The following SLC39A4 variants were observed in gnomAD, a reference collection of about 807,000 sequenced individuals.
The protein encoded by SLC39A4 is zinc transporter ZIP4.
SLC39A4 carries 49 observed loss-of-function variants against 56.6 expected under a neutral mutation model. That is an observed-to-expected ratio of 0.87 (90% CI 0.69 to 1.10). The LOEUF (loss-of-function observed/expected upper bound fraction) is 1.10, where lower values mean the gene tolerates loss of function less well. Among genes scored for constraint, SLC39A4 ranks in the 50% least tolerant of loss-of-function variants. The pLI is 0.00. For missense variants in SLC39A4, 993 were observed against 864.2 expected, an observed-to-expected ratio of 1.15 and a Z score of -1.87; for synonymous variants, 540 against 420.4, an observed-to-expected ratio of 1.28 and a Z score of -3.48.
intron 6 of SLC39A4, 28 bp downstream of exon 6, chr8:144,414,234 C>T (rs375954319): frequency 4.4e-6 from 7 of 1,602,622 alleles, no homozygotes; most frequent in African/African-American, 2.7e-5. Context: ...GAACGGAGGG[C>T]CAGGGTCGCG....
At position 144,412,949 on chromosome 8, in the gene SLC39A4, G is replaced by A. The variant is rs1554872098; in HGVS notation, c.1628-3C>T. 1.3e-6 allele frequency: 2 copies of A among 1,593,800 alleles called. No homozygotes were observed. Among genetic ancestry groups the A allele is most frequent in the East Asian group, 2.3e-5 (1 of 44,324 alleles). On this transcript the variant is annotated splice_polypyrimidine_tract_variant and splice_region_variant and intron_variant, in intron 10 of 11. Coordinates refer to ENST00000301305, the MANE Select transcript of SLC39A4 (RefSeq NM_130849.4). ...GTGCAGCAAGGCGGCGAAGTCCCCT[G>A]CGGGCGAGTCCACATTAACAGCTCC...
chr8:144,415,509 C>T (rs1822139958), intron 2 of SLC39A4, 90 bp from the exon 3 acceptor site: 1 of 1,410,352 alleles, frequency 7.1e-7, no homozygotes, highest in African/African-American at 1.4e-5. Context: ...ACCCCAACTA[C>T]AGGATCTGCC....
intron 10 of SLC39A4, 142 bp downstream of exon 10, chr8:144,413,095 C>G: frequency 6.8e-7 from 1 of 1,468,548 alleles, no homozygotes; most frequent in South Asian, 1.2e-5. Flanking sequence ...ACCTTCCAGG[C>G]CCCGCCCCAC....
intron 11 of SLC39A4, 34 bp downstream of exon 11, chr8:144,412,725 G>A: frequency 6.2e-7 from 1 of 1,613,330 alleles, no homozygotes; most frequent in African/African-American, 1.3e-5. Flanking sequence ...CTCAGCTCCC[G>A]GCCCAGAGCA....
Position 144,413,368 on chromosome 8 carries a change from A to G in SLC39A4, c.1496T>C (p.Met499Thr). Residue 499 changes from methionine (M) to threonine (T), a missense_variant, in exon 10 of 12, where the codon ATG becomes ACG. Physicochemically the swap from Met to Thr is moderately conservative, Grantham distance 81. Coordinates refer to ENST00000301305, the MANE Select transcript of SLC39A4 (RefSeq NM_130849.4). The stretch of plus-strand genomic sequence containing the variant: ...GTGCACGGCGTCGCCCAGAGTGATC[A>G]TATAGGGCAGTAGCCTCAACTCTGC... ...LSPELRLLPY[M>T]ITLGDAVHNF... 6.2e-7 allele frequency: 1 copy of G among 1,608,826 alleles called. No individual in the cohort carries two copies.
rs1586652304 is a variant in SLC39A4 at position 144,414,594 on chromosome 8, C to G, written c.976+131G>C. ...CCCACTCTCCTGGCGACGCCACCTT[C>G]CCCTGTGTCTGTTGTTTCTACTTCC... On this transcript the variant is annotated intron_variant, in intron 5 of 11. Coordinates refer to ENST00000301305, the MANE Select transcript of SLC39A4 (RefSeq NM_130849.4). 6 of 1,499,580 alleles carry G rather than the reference C, an allele frequency of 4.0e-6. No homozygotes were observed. In the East Asian group the frequency reaches 1.5e-4, roughly 37 times the overall value. The allele number at this position is 1,499,580 out of a possible 1,614,324, so 92.9% of individuals were successfully genotyped here. A position where few individuals can be genotyped will look rare whatever the true frequency, so the allele number is the denominator to read the frequency against.
chr8:144,413,813 C>A lies in SLC39A4; in HGVS notation c.1356G>T (p.Leu452=). 2 of 1,578,044 alleles carry A rather than the reference C, an allele frequency of 1.3e-6. No homozygotes were observed. The highest frequency in any genetic ancestry group is 1.7e-6 in the Non-Finnish European group (2 of 1,167,032). The change falls in exon 8 of 12, where the codon CTG becomes CTT. Residue 452 remains leucine (L), a synonymous_variant. Coordinates refer to ENST00000301305, the MANE Select transcript of SLC39A4 (RefSeq NM_130849.4). ...GCCGGAGCTCGCTGGGTGCCAGCTG[C>A]AGGGACACACCGTGGCTGTGGCCCC... ...SHGGHSHGVS[L]QLAPSELRQP...
rs1822121967 is a variant in SLC39A4, at chr8:144,415,260, G to A, written c.634C>T (p.Gln212Ter). The A allele has an allele frequency of 6.2e-7, 1 of 1,613,234 alleles. No homozygotes were observed. The highest frequency in any genetic ancestry group is 8.5e-7 in the Non-Finnish European group (1 of 1,179,864). Residue 212 changes from glutamine to a stop codon, truncating the protein, a stop_gained, in exon 3 of 12, where the codon CAG becomes TAG. Coordinates refer to ENST00000301305, the MANE Select transcript of SLC39A4 (RefSeq NM_130849.4). LOFTEE classifies it high-confidence loss of function. ...PQYFVDFVFQ[Q>*]HSSEVPMTLA... The stretch of plus-strand genomic sequence containing the variant: ...GTCATAGGGACCTCGCTGCTGTGCT[G>A]CTGGAACACAAAGTCCACGAAGTAC...
Position 144,415,087 on chromosome 8 carries a change from G to T in SLC39A4, c.691C>A (p.Leu231Met). Residue 231 changes from leucine to methionine, a missense_variant, in exon 4 of 12, where the codon CTG becomes ATG. Physicochemically the swap from Leu to Met is conservative, Grantham distance 15. Transcript: ENST00000301305. Reference protein sequence around the residue: ...LAELSALMQRLGVGREAHSDH... With the variant: ...LAELSALMQRMGVGREAHSDH... Reference sequence around the variant, plus strand: ...CTGTGGGCCTCCCTGCCCACCCCCAGGCGCTGCATCAAGGCTGACAGCTCT... The same window carrying T: ...CTGTGGGCCTCCCTGCCCACCCCCATGCGCTGCATCAAGGCTGACAGCTCT... 1.2e-6 allele frequency: 2 copies of T among 1,611,728 alleles called. No homozygotes were observed. Among genetic ancestry groups the T allele is most frequent in the Non-Finnish European group, 1.7e-6 (2 of 1,179,906 alleles).
In SLC39A4 at chr8:144,416,596, A is replaced by G; in HGVS notation, c.192+2T>C. ...GGGGGACCCGTCGGGTGGGGCTGTT[A>G]CCTTTCCACACGGCCCGTTGGCGCA... On this transcript the variant is annotated splice_donor_variant, in intron 1 of 11. Coordinates refer to ENST00000301305, the MANE Select transcript of SLC39A4 (RefSeq NM_130849.4). LOFTEE classifies it high-confidence loss of function. The G allele has an allele frequency of 1.3e-6, 2 of 1,577,924 alleles. No individual in the cohort carries two copies. The highest frequency in any genetic ancestry group is 1.7e-6 in the Non-Finnish European group (2 of 1,163,468).
In SLC39A4 at chr8:144,412,827, C is replaced by T. The variant is rs1554871935; in HGVS notation, c.1747G>A (p.Glu583Lys). 1.2e-6 allele frequency: 2 copies of T among 1,613,016 alleles called. No individual in the cohort carries two copies. Among genetic ancestry groups the T allele is most frequent in the Non-Finnish European group, 1.7e-6 (2 of 1,179,936 alleles). Reference protein sequence around the residue: ...LYVALAVGVSEESEAWILAVA... With the variant: ...LYVALAVGVSKESEAWILAVA... ...GCCAGGATCCAGGCCTCGCTCTCCTCGCTGACTCCAACCGCGAGTGCCACG... is the reference window on the plus strand; with the variant it reads ...GCCAGGATCCAGGCCTCGCTCTCCTTGCTGACTCCAACCGCGAGTGCCACG... Residue 583 changes from glutamate to lysine, a missense_variant, in exon 11 of 12, where the codon GAG (glutamate) becomes AAG (lysine). Transcript: ENST00000301305.
At chr8:144,416,209 C>T (rs1554873995) in intron 1 of SLC39A4, 118 bp from the exon 2 acceptor site, 5 of 1,591,758 alleles carry the variant, frequency 3.1e-6, no homozygotes, top group Middle Eastern at 3.3e-4. Context: ...CGTCCACCAT[C>T]CTCTCTCAAC....
chr8:144,414,774 G>A lies in SLC39A4; in HGVS notation c.927C>T (p.Cys309=), dbSNP rs781993004. 1.9e-6 allele frequency: 3 copies of A among 1,613,114 alleles called. No individual in the cohort carries two copies. The highest frequency in any genetic ancestry group is 4.5e-5 in the East Asian group (2 of 44,884). Residue 309 remains cysteine (C), a synonymous_variant, in exon 5 of 12, where the codon TGC becomes TGT. Transcript: ENST00000301305. ...GGACGGGGGGCCTGGACTGGGAGGT[G>A]CAGGCTCCACTCAGCTGCTGTTGGA... ...ALLQQQLSGA[C]TSQSRPPVQD...
chr8:144,413,066 C>T lies in SLC39A4; in HGVS notation c.1628-120G>A, dbSNP rs1380092685. The T allele has an allele frequency of 1.8e-5, 26 of 1,482,264 alleles. No homozygotes were observed. In the East Asian group the frequency reaches 6.2e-4, roughly 35 times the overall value. 91.8% of individuals were successfully genotyped at this position (1,482,264 alleles called of 1,614,324 possible). A position where few individuals can be genotyped will look rare whatever the true frequency, so the allele number is the denominator to read the frequency against. On this transcript the variant is annotated intron_variant, in intron 10 of 11. Coordinates refer to ENST00000301305, the MANE Select transcript of SLC39A4 (RefSeq NM_130849.4). ...ACCTGTTCCCGGTCTCCCCGCCCAG[C>T]CGTCAGATCCCGCCCATCACCTTCC...
chr8:144,414,997 T>C lies in SLC39A4; in HGVS notation c.781A>G (p.Asn261Asp). Residue 261 changes from asparagine to aspartate, a missense_variant, in exon 4 of 12, where the codon AAC becomes GAC. Coordinates refer to ENST00000301305, the MANE Select transcript of SLC39A4 (RefSeq NM_130849.4). ...RDPVPLISSS[N>D]SSSVWDTVCL... is the part of the protein sequence containing the mutation. ...ACCGTGTCCCACACACTGGAGCTGT[T>C]GCTGGAGCTGATGAGGGGCACAGGG... 2 of 1,612,426 alleles carry C rather than the reference T, an allele frequency of 1.2e-6. No individual in the cohort carries two copies. Among genetic ancestry groups the C allele is most frequent in the South Asian group, 1.1e-5 (1 of 91,086 alleles).
In SLC39A4 at chr8:144,414,904, G is replaced by A. The variant is rs782351050; in HGVS notation, c.805-8C>T. 72 of 1,613,078 alleles carry A rather than the reference G, an allele frequency of 4.5e-5. No homozygotes were observed. The highest frequency in any genetic ancestry group is 5.1e-5 in the Non-Finnish European group (60 of 1,179,944). On this transcript the variant is annotated splice_region_variant and splice_polypyrimidine_tract_variant and intron_variant, in intron 4 of 11. Coordinates refer to ENST00000301305, the MANE Select transcript of SLC39A4 (RefSeq NM_130849.4). ...CCTGGCACTCAGGCATACCTGGGGG[G>A]TGGCAGGACAGGCTCAGGGGCCCAA... is the stretch of plus-strand genomic sequence containing the variant.
chr8:144,416,342 T>C, intron 1 of SLC39A4: 1 of 1,467,596 alleles, frequency 6.8e-7, no homozygotes, highest in South Asian at 1.4e-5. Context: ...CACTGCCAAT[T>C]TGATGGCAGA....
At chr8:144,414,530 G>A (rs1007832704) in intron 5 of SLC39A4, 96 bp from the exon 6 acceptor site, 1 of 1,530,546 alleles carries the variant, frequency 6.5e-7, no homozygotes, top group East Asian at 2.5e-5. Context: ...GTCAGTGTGG[G>A]CCAGGCCCTC....
At position 144,413,247 on chromosome 8, in the gene SLC39A4, T is replaced by C. The variant is rs950285574; in HGVS notation, c.1617A>G (p.Pro539=). The C allele has an allele frequency of 1.3e-6, 2 of 1,584,994 alleles. No individual in the cohort carries two copies. The highest frequency in any genetic ancestry group is 2.3e-5 in the East Asian group (1 of 44,098). ...TSLAVFCHEL[P]HELGDFAALL... ...CCCGCCTGCGCTCACCCAGCTCGTG[T>C]GGCAACTCGTGGCAGAACACGGCCA... Residue 539 remains proline, a synonymous_variant, in exon 10 of 12, where the codon CCA becomes CCG. Transcript: ENST00000301305.
Sources: allele counts gnomAD v4.1 joint callset, GRCh38; gene constraint gnomAD v4.1.1; transcripts MANE v1.5; gene names NCBI Gene and HGNC (gene_info 2026-07-23, HGNC 2026-07-21).